The following KCNN2 variants were observed in gnomAD, a reference collection of about 807,000 sequenced individuals.
The protein encoded by KCNN2 is small conductance calcium-activated potassium channel protein 2.
KCNN2 carries 24 observed loss-of-function variants against 55.5 expected under a neutral mutation model. The observed-to-expected ratio is 0.43, with a 90% CI of 0.31 to 0.61. KCNN2 has a LOEUF of 0.61. Among genes scored for constraint, KCNN2 ranks in the 20% least tolerant of loss-of-function variants. The probability of loss-of-function intolerance (pLI) is 0.08; values close to 1 mark genes in which losing one functional copy is unlikely to be tolerated. For missense variants in KCNN2, 754 were observed against 853.6 expected (o/e 0.88, Z 1.45); for synonymous variants, 431 against 336.1 (o/e 1.28, Z -3.09).
intron 1 of KCNN2, among the ~76,000 whole-genome samples, chr5:114,146,595 A>G (rs1305369649): frequency 2.6e-5 from 4 of 152,188 alleles, no homozygotes; most frequent in Non-Finnish European, 5.9e-5. Flanking sequence ...ATTTTCCAAA[A>G]GAAGGAACAT....
At chr5:114,341,894 T>C (rs1306729162) in intron 2 of KCNN2, among the ~76,000 whole-genome samples, 1 of 151,416 alleles carries the variant, frequency 6.6e-6, no homozygotes, top group Non-Finnish European at 1.5e-5. Context: ...CTAGAAAGTT[T>C]TCATAATGTG....
chr5:114,176,362 G>A (rs1342890998), intron 1 of KCNN2, among the ~76,000 whole-genome samples: 1 of 152,010 alleles, frequency 6.6e-6, no homozygotes. Flanking sequence ...CTTTGTTTTT[G>A]GGGAAAATAA....
intron 3 of KCNN2, among the ~76,000 whole-genome samples, chr5:114,425,782 G>T (rs1759604655): frequency 6.6e-6 from 1 of 152,146 alleles, no homozygotes; most frequent in Non-Finnish European, 1.5e-5. Context: ...AGGGAAAATA[G>T]ATTGTCAAGC....
In KCNN2 at chr5:114,241,715, TATATACGTATATATATAC is replaced by T. The variant is rs1449330408; in HGVS notation, c.-185+20156_-185+20173del. On this transcript the variant is annotated intron_variant, in intron 2 of 10. Coordinates refer to the KCNN2 transcript ENST00000512097. ...GAGAATATATATGTGGATATATATATATATACGTATATATATACATATATACGTATATATATGTATATA... is the reference window on the plus strand; with the variant it reads ...GAGAATATATATGTGGATATATATATATATATACGTATATATATGTATATA... Among the ~76,000 whole-genome samples the T allele has an allele frequency of 5.1e-5, 6 of 117,144 alleles. 1 individual carries two copies. The highest frequency in any genetic ancestry group is 8.8e-5 in the Non-Finnish European group (5 of 56,506). 76.9% of individuals were successfully genotyped at this position (117,144 alleles called of 152,430 possible). A position where few individuals can be genotyped will look rare whatever the true frequency, so the allele number is the denominator to read the frequency against.
chr5:114,234,726 G>C (rs1754438316), intron 2 of KCNN2, among the ~76,000 whole-genome samples: 1 of 152,136 alleles, frequency 6.6e-6, no homozygotes, highest in Non-Finnish European at 1.5e-5. Context: ...CTAGTGACAG[G>C]ATTCTGCTTA....
intron 1 of KCNN2, among the ~76,000 whole-genome samples, chr5:114,111,502 G>C (rs1751596313): frequency 6.6e-6 from 1 of 152,168 alleles, no homozygotes; most frequent in Non-Finnish European, 1.5e-5. Flanking sequence ...AAACTAAAGA[G>C]CTTCTGCACA....
chr5:114,122,463 A>T (rs1751845931), intron 1 of KCNN2, among the ~76,000 whole-genome samples: 1 of 152,206 alleles, frequency 6.6e-6, no homozygotes, highest in South Asian at 2.1e-4. Context: ...CTGTCCTTTC[A>T]TTGAAAAATC....
At chr5:114,413,717 C>T (rs1363384745) in intron 3 of KCNN2, among the ~76,000 whole-genome samples, 4 of 152,272 alleles carry the variant, frequency 2.6e-5, no homozygotes, top group South Asian at 2.1e-4. Context: ...GTTAAATTCA[C>T]GTAGAAAAAA....
intron 1 of KCNN2, among the ~76,000 whole-genome samples, chr5:114,175,859 A>G (rs1177079706): frequency 1.3e-5 from 2 of 152,222 alleles, no homozygotes; most frequent in South Asian, 2.1e-4. Flanking sequence ...AAAGAATTTG[A>G]TATTCATAAT....
intron 1 of KCNN2, among the ~76,000 whole-genome samples, chr5:114,125,931 G>A (rs1751922223): frequency 6.6e-6 from 1 of 152,118 alleles, no homozygotes; most frequent in Admixed American, 6.5e-5. Flanking sequence ...AAAGGTACTG[G>A]AGGTTTGAAC....
chr5:114,186,493 A>G (rs1753337660), intron 1 of KCNN2, among the ~76,000 whole-genome samples: 1 of 152,158 alleles, frequency 6.6e-6, no homozygotes, highest in Non-Finnish European at 1.5e-5. Flanking sequence ...ATAAAACAGA[A>G]CTAATAAATT....
intron 3 of KCNN2, among the ~76,000 whole-genome samples, chr5:114,457,605 G>C (rs1177045251): frequency 1.3e-5 from 2 of 152,068 alleles, no homozygotes; most frequent in Non-Finnish European, 2.9e-5. Context: ...AAGCGGTACT[G>C]TATCACTTCA....
chr5:114,143,009 C>T (rs1465953708), intron 1 of KCNN2, among the ~76,000 whole-genome samples: 2 of 152,056 alleles, frequency 1.3e-5, no homozygotes, highest in South Asian at 2.1e-4. Context: ...TCCTTTTTCC[C>T]AGGTGGATTG....
intron 1 of KCNN2, among the ~76,000 whole-genome samples, chr5:114,158,790 T>C (rs1483932209): frequency 1.3e-5 from 2 of 152,112 alleles, no homozygotes; most frequent in African/African-American, 4.8e-5. Context: ...TCACTCATGA[T>C]TTGGCTCTCT....
At chr5:114,365,925 G>A (rs1170439458) in intron 2 of KCNN2, among the ~76,000 whole-genome samples, 2 of 152,098 alleles carry the variant, frequency 1.3e-5, no homozygotes, top group Admixed American at 1.3e-4. Context: ...AACATTCATG[G>A]GGGAGGACAT....
intron 2 of KCNN2, among the ~76,000 whole-genome samples, chr5:114,397,911 A>G (rs1362595996): frequency 6.6e-6 from 1 of 151,950 alleles, no homozygotes; most frequent in African/African-American, 2.4e-5. Context: ...TTTGTTTCTT[A>G]TAGATGCTGG....
intron 1 of KCNN2, among the ~76,000 whole-genome samples, chr5:114,167,988 A>G (rs1398494549): frequency 1.3e-5 from 2 of 152,132 alleles, no homozygotes; most frequent in African/African-American, 2.4e-5. Flanking sequence ...GATTGCAAGT[A>G]TCAGTTGCTG....
At chr5:114,079,348 TG>T (rs2112537874) in intron 1 of KCNN2, among the ~76,000 whole-genome samples, 1 of 152,184 alleles carries the variant, frequency 6.6e-6, no homozygotes, top group Admixed American at 6.5e-5. Flanking sequence ...TTATACGTCA[TG>T]AAAAAAATAG....
chr5:114,454,886 G>A (rs1399883461), intron 3 of KCNN2, among the ~76,000 whole-genome samples: 1 of 152,312 alleles, frequency 6.6e-6, no homozygotes, highest in Non-Finnish European at 1.5e-5. Flanking sequence ...ATGACAATTT[G>A]TGCCTTCGAA....
Sources: allele counts gnomAD v4.1 joint callset (sites outside exome capture counted in the v4.1 genomes callset), GRCh38; gene constraint gnomAD v4.1.1; transcripts MANE v1.5; gene names NCBI Gene and HGNC (gene_info 2026-07-23, HGNC 2026-07-21).